The following SYT1 variants were observed in gnomAD, a reference collection of about 807,000 sequenced individuals.
SYT1 encodes synaptotagmin 1, also known as synaptotagmin-1.
Under a neutral mutation model 44.8 loss-of-function variants are expected in SYT1, and 8 were observed. The observed-to-expected ratio is 0.18, with a 90% CI of 0.10 to 0.32. The LOEUF (loss-of-function observed/expected upper bound fraction) is 0.32, where lower values mean the gene tolerates loss of function less well. Among genes scored for constraint, SYT1 ranks in the 10% least tolerant of loss-of-function variants. The pLI, the probability that SYT1 is intolerant of heterozygous loss-of-function variation, is 1.00. For synonymous variants in SYT1, 154 were observed against 188.8 expected, an observed-to-expected ratio of 0.82 and a Z score of 1.51; for missense variants, 286 against 509.3, an observed-to-expected ratio of 0.56 and a Z score of 4.22.
At chr12:79,212,158 A>G (rs1874498660) in intron 3 of SYT1, among the ~76,000 whole-genome samples, 1 of 152,182 alleles carries the variant, frequency 6.6e-6, no homozygotes. Flanking sequence ...TGGCACATAT[A>G]CACCATGGAA....
chr12:79,196,266 C>T (rs1239138960), intron 3 of SYT1, among the ~76,000 whole-genome samples: 1 of 151,982 alleles, frequency 6.6e-6, no homozygotes, highest in Non-Finnish European at 1.5e-5. Flanking sequence ...CTCCCGGGTT[C>T]AAGTCATTCT....
intron 1 of SYT1, among the ~76,000 whole-genome samples, chr12:78,914,548 C>A (rs569548038): frequency 6.6e-6 from 1 of 151,670 alleles, no homozygotes; most frequent in East Asian, 1.9e-4. Context: ...ATAGATAGAG[C>A]GATAGATGAT....
intron 8 of SYT1, among the ~76,000 whole-genome samples, chr12:79,308,171 G>A (rs1880511028): frequency 6.6e-6 from 1 of 152,206 alleles, no homozygotes; most frequent in Non-Finnish European, 1.5e-5. Context: ...ATATGAAGCA[G>A]AATCTGAAGA....
intron 8 of SYT1, among the ~76,000 whole-genome samples, chr12:79,315,770 C>A (rs1258183079): frequency 6.6e-6 from 1 of 152,138 alleles, no homozygotes; most frequent in African/African-American, 2.4e-5. Flanking sequence ...AGATGAGGAA[C>A]CCAGGCCTAG....
chr12:79,418,876 G>T (rs1478065526), intron 9 of SYT1, among the ~76,000 whole-genome samples: 1 of 152,132 alleles, frequency 6.6e-6, no homozygotes, highest in Non-Finnish European at 1.5e-5. Flanking sequence ...CACCTGGGAA[G>T]TGATATTTGT....
At chr12:79,203,050 G>T (rs1486398103) in intron 3 of SYT1, among the ~76,000 whole-genome samples, 3 of 151,552 alleles carry the variant, frequency 2.0e-5, no homozygotes, top group Non-Finnish European at 2.9e-5. Context: ...TAGCAACAAG[G>T]CAAGTTAGCT....
intron 2 of SYT1, among the ~76,000 whole-genome samples, chr12:79,029,805 C>T (rs138693317): frequency 6.6e-6 from 1 of 150,636 alleles, no homozygotes; most frequent in East Asian, 1.9e-4. Flanking sequence ...TGATTTTCTT[C>T]TTTACTCAAA....
At chr12:79,399,289 ATTT>A (rs576684760) in intron 9 of SYT1, among the ~76,000 whole-genome samples, 15 of 134,174 alleles carry the variant, frequency 1.1e-4, no homozygotes, top group African/African-American at 4.0e-4. Context: ...AGTAATTTGA[ATTT>A]TTTTTTTTTT....
intron 3 of SYT1, among the ~76,000 whole-genome samples, chr12:79,080,228 C>A (rs1328635166): frequency 2.6e-5 from 4 of 152,080 alleles, no homozygotes; most frequent in African/African-American, 9.7e-5. Context: ...GATATAAAAT[C>A]TGTGTATTTG....
At chr12:79,046,386 C>A (rs921733665) in intron 2 of SYT1, 1 of 152,066 alleles carries the variant, frequency 6.6e-6, no homozygotes, top group African/African-American at 2.4e-5. Flanking sequence ...ATATTTCATT[C>A]TTTCCTCATT....
At chr12:79,221,934 T>C (rs904243092) in intron 4 of SYT1, among the ~76,000 whole-genome samples, 1 of 151,322 alleles carries the variant, frequency 6.6e-6, no homozygotes, top group Admixed American at 6.6e-5. Flanking sequence ...CATTAGCAAC[T>C]TTTTTTTTAA....
intron 8 of SYT1, among the ~76,000 whole-genome samples, chr12:79,303,650 T>C (rs1465917944): frequency 3.3e-5 from 5 of 152,156 alleles, no homozygotes; most frequent in Admixed American, 6.6e-5. Flanking sequence ...GAAACTACTT[T>C]AATGCTTTAA....
intron 1 of SYT1, among the ~76,000 whole-genome samples, chr12:78,888,817 A>G (rs1565703243): frequency 6.6e-6 from 1 of 151,750 alleles, no homozygotes; most frequent in Non-Finnish European, 1.5e-5. Context: ...GCTCACTGTC[A>G]CTTCTATTTT....
chr12:79,241,125 G>A (rs1019720734), intron 4 of SYT1, among the ~76,000 whole-genome samples: 1 of 152,184 alleles, frequency 6.6e-6, no homozygotes, highest in Non-Finnish European at 1.5e-5. Flanking sequence ...AGTGAACTGT[G>A]ATAGTGCCAC....
At chr12:79,302,306 A>C (rs1400083406) in intron 8 of SYT1, among the ~76,000 whole-genome samples, 2 of 152,158 alleles carry the variant, frequency 1.3e-5, no homozygotes, top group Non-Finnish European at 2.9e-5. Context: ...TAATCATAGT[A>C]AGCTGTTCTG....
intron 5 of SYT1, among the ~76,000 whole-genome samples, chr12:79,288,437 T>G (rs957425401): frequency 1.3e-5 from 2 of 152,130 alleles, no homozygotes; most frequent in African/African-American, 2.4e-5. Context: ...TATCTATATA[T>G]AGGCTCTATA....
intron 3 of SYT1, among the ~76,000 whole-genome samples, chr12:79,204,745 A>G (rs576540996): frequency 1.3e-4 from 20 of 150,274 alleles, no homozygotes; most frequent in African/African-American, 4.6e-4. Context: ...AATAAATTAA[A>G]AAGAAAAAAG....
chr12:79,166,773 A>G (rs1672051465), intron 3 of SYT1, among the ~76,000 whole-genome samples: 1 of 152,054 alleles, frequency 6.6e-6, no homozygotes, highest in Non-Finnish European at 1.5e-5. Flanking sequence ...TGTTGGTTGG[A>G]TTATACGGGA....
intron 9 of SYT1, among the ~76,000 whole-genome samples, chr12:79,386,852 C>T (rs1450823948): frequency 1.3e-5 from 2 of 152,106 alleles, no homozygotes; most frequent in Admixed American, 6.5e-5. Flanking sequence ...TCCCTGTGAC[C>T]TCCTACTTCA....
Sources: gnomAD v4.1 joint callset for allele counts (sites outside exome capture counted in the v4.1 genomes callset) on GRCh38, gnomAD v4.1.1 for gene constraint, MANE v1.5 for transcripts, NCBI Gene and HGNC (gene_info 2026-07-23, HGNC 2026-07-21) for gene names.